Variants in RSPH6A observed in about 807,000 individuals in gnomAD.
RSPH6A encodes the protein radial spoke head 6 homolog A.
Under a neutral mutation model 66.1 loss-of-function variants are expected in RSPH6A, and 49 were observed. The observed-to-expected ratio is 0.74, with a 90% CI of 0.59 to 0.94. RSPH6A has a LOEUF of 0.94. Ranked by LOEUF, RSPH6A falls within the 40% of genes least tolerant of loss-of-function variation. The pLI is 0.00. For synonymous variants in RSPH6A, 419 were observed against 402.4 expected, an observed-to-expected ratio of 1.04 and a Z score of -0.49; for missense variants, 977 against 948.3, an observed-to-expected ratio of 1.03 and a Z score of -0.40.
intron 1 of RSPH6A, among the ~76,000 whole-genome samples, chr19:45,812,389 A>G (rs1970641493): frequency 6.6e-6 from 1 of 152,032 alleles, no homozygotes. Context: ...AGGCCCGGCC[A>G]CAGTCAGCCT....
At position 45,815,156 on chromosome 19, in the gene RSPH6A, G is replaced by A; in HGVS notation, c.21C>T (p.Tyr7=). Residue 7 remains tyrosine (Y), a synonymous_variant, in exon 1 of 6, where the codon TAC becomes TAT. Coordinates refer to ENST00000221538, the MANE Select transcript of RSPH6A (RefSeq NM_030785.4). ...GAGGCTGCTGGGCAGGGCGCTCAGGGTAGGGCGGCAGGTCTCCCATGGTTC... is the reference window on the plus strand; with the variant it reads ...GAGGCTGCTGGGCAGGGCGCTCAGGATAGGGCGGCAGGTCTCCCATGGTTC... MGDLPP[Y]PERPAQQPPG... The A allele has an allele frequency of 2.5e-6, 4 of 1,606,930 alleles. No individual in the cohort carries two copies. Among genetic ancestry groups the A allele is most frequent in the Non-Finnish European group, 3.4e-6 (4 of 1,178,824 alleles).
In RSPH6A at chr19:45,804,839, G is replaced by T. The variant is rs764158404; in HGVS notation, c.1066C>A (p.Leu356Met). Residue 356 changes from leucine (L) to methionine (M), a missense_variant, in exon 3 of 6, where the codon CTG becomes ATG. Leu to Met is a conservative substitution (Grantham distance 15). Coordinates refer to ENST00000221538, the MANE Select transcript of RSPH6A (RefSeq NM_030785.4). This position sits in a 1 kb window ranked among gnomAD's most constrained non-coding sequence, Gnocchi z 5.8. ...GKILGIKRSY[L>M]VAEVEFREGE... ...TCCCGGAATTCCACCTCGGCCACCA[G>T]GTAGCTGCGTTTGATTCCCAGGATC... 6.2e-7 allele frequency: 1 copy of T among 1,614,176 alleles called. No homozygotes were observed. The highest frequency in any genetic ancestry group is 1.7e-5 in the Admixed American group (1 of 60,016).
At chr19:45,814,180 G>A (rs1970667550) in intron 1 of RSPH6A, among the ~76,000 whole-genome samples, 1 of 151,938 alleles carries the variant, frequency 6.6e-6, no homozygotes, top group African/African-American at 2.4e-5. Context: ...AAGCAAGAGG[G>A]CTTGGGGAGC....
intron 2 of RSPH6A, among the ~76,000 whole-genome samples, chr19:45,807,323 C>T (rs2146286819): frequency 6.6e-6 from 1 of 151,718 alleles, no homozygotes; most frequent in Non-Finnish European, 1.5e-5. Flanking sequence ...TCACGCCATT[C>T]TCCTGCCTCA....
chr19:45,806,726 T>A (rs1020133968), intron 2 of RSPH6A, among the ~76,000 whole-genome samples: 7 of 141,538 alleles, frequency 4.9e-5, no homozygotes, highest in Non-Finnish European at 1.5e-5. Flanking sequence ...GGCCAAGTTT[T>A]GGCTCAGAAG....
rs1284646147 is a variant in RSPH6A, at chr19:45,804,752, C to T, written c.1153G>A (p.Glu385Lys). 2 of 1,612,718 alleles carry T rather than the reference C, an allele frequency of 1.2e-6. No individual in the cohort carries two copies. Among genetic ancestry groups the T allele is most frequent in the Non-Finnish European group, 1.7e-6 (2 of 1,179,382 alleles). Reference protein sequence around the residue: ...EEMTEGGEVMEAHGEEEGEED... With the variant: ...EEMTEGGEVMKAHGEEEGEED... ...TCGCCCTCCTCCTCGCCGTGCGCCT[C>T]CATGACCTCGCCACCTTCCGTCATC... The change falls in exon 3 of 6, where the codon GAG (glutamate) becomes AAG (lysine). Residue 385 changes from glutamate to lysine, a missense_variant. Physicochemically the swap from Glu to Lys is moderately conservative, Grantham distance 56. Coordinates refer to ENST00000221538, the MANE Select transcript of RSPH6A (RefSeq NM_030785.4). This position sits in a 1 kb window ranked among gnomAD's most constrained non-coding sequence, Gnocchi z 5.8.
At position 45,804,419 on chromosome 19, in the gene RSPH6A, GGCTGACCT is replaced by G; in HGVS notation, c.1478_1485del (p.Gln493ProfsTer8). ...TCACTAAACTGGTAGAAGCCCAGCG[GGCTGACCT>G]GCGTGGCGGCCGAGATGCGGGCTAT... On this transcript the variant is annotated frameshift_variant, in exon 3 of 6. Transcript: ENST00000221538. LOFTEE classifies it high-confidence loss of function. The surrounding 1 kb of genome is among the most constrained non-coding windows in gnomAD (Gnocchi z 5.8). 1 of 1,613,922 alleles carries G rather than the reference GGCTGACCT, an allele frequency of 6.2e-7. No individual in the cohort carries two copies. Among genetic ancestry groups the G allele is most frequent in the Non-Finnish European group, 8.5e-7 (1 of 1,179,980 alleles).
intron 3 of RSPH6A, among the ~76,000 whole-genome samples, chr19:45,803,095 G>T (rs1196004905): frequency 6.6e-6 from 1 of 151,126 alleles, no homozygotes; most frequent in Admixed American, 6.6e-5. Flanking sequence ...TGTAGTCCCA[G>T]CTACTCAGGA....
chr19:45,808,529 G>A (rs1042446082), intron 2 of RSPH6A, among the ~76,000 whole-genome samples: 4 of 151,992 alleles, frequency 2.6e-5, no homozygotes, highest in Non-Finnish European at 5.9e-5. Flanking sequence ...GGAGGTGGAG[G>A]TTGCAGTGAG....
At position 45,804,728 on chromosome 19, in the gene RSPH6A, C is replaced by T. The variant is rs141469854; in HGVS notation, c.1177G>A (p.Glu393Lys). The T allele has an allele frequency of 3.3e-5, 54 of 1,613,278 alleles. No individual in the cohort carries two copies. The highest frequency in any genetic ancestry group is 2.7e-4 in the Admixed American group (16 of 59,842). Residue 393 changes from glutamate (E) to lysine (K), a missense_variant, in exon 3 of 6, where the codon GAG becomes AAG. Transcript: ENST00000221538. This position sits in a 1 kb window ranked among gnomAD's most constrained non-coding sequence, Gnocchi z 5.8. ...TCCACGGCCTTCTCCTCGTCCTCCT[C>T]GCCCTCCTCCTCGCCGTGCGCCTCC... ...VMEAHGEEEGEEDEEKAVDIV... is the reference protein window; with the variant it reads ...VMEAHGEEEGKEDEEKAVDIV...
intron 4 of RSPH6A, among the ~76,000 whole-genome samples, chr19:45,801,665 C>T (rs555679535): frequency 1.6e-4 from 24 of 152,244 alleles, no homozygotes; most frequent in South Asian, 1.0e-3. Flanking sequence ...GAGGCTGAGA[C>T]GGGAGAATTG....
At chr19:45,807,128 G>C (rs1047146148) in intron 2 of RSPH6A, among the ~76,000 whole-genome samples, 5 of 151,732 alleles carry the variant, frequency 3.3e-5, no homozygotes, top group Non-Finnish European at 5.9e-5. Context: ...TCCTGACCTC[G>C]TGATCCGCCC....
chr19:45,815,229 C>CA lies in RSPH6A; in HGVS notation c.-54dup, dbSNP rs1855759095. The CA allele has an allele frequency of 6.8e-7, 1 of 1,474,106 alleles. No homozygotes were observed. Among genetic ancestry groups the CA allele is most frequent in the South Asian group, 1.3e-5 (1 of 75,874 alleles). 91.3% of individuals were successfully genotyped at this position (1,474,106 alleles called of 1,614,324 possible). On this transcript the variant is annotated 5_prime_UTR_variant, in exon 1 of 6. Coordinates refer to ENST00000221538, the MANE Select transcript of RSPH6A (RefSeq NM_030785.4). ...GAGAAAGGCTTGCAGACAAGGAGGC[C>CA]AAGCGAGAGCCACCTGTCGACACCG... is the stretch of plus-strand genomic sequence containing the variant.
intron 4 of RSPH6A, 124 bp from the exon 5 acceptor site, chr19:45,800,687 C>T: frequency 1.6e-6 from 1 of 629,812 alleles, no homozygotes; most frequent in Non-Finnish European, 2.6e-6. Flanking sequence ...GGAACTATAG[C>T]CACCAACAGC....
intron 4 of RSPH6A, 123 bp from the exon 5 acceptor site, chr19:45,800,686 G>A: frequency 1.5e-6 from 1 of 664,810 alleles, no homozygotes; most frequent in East Asian, 3.0e-5. Context: ...GGGAACTATA[G>A]CCACCAACAG....
At chr19:45,814,379 TG>T (rs1970671652) in intron 1 of RSPH6A, 147 bp downstream of exon 1, 1 of 617,030 alleles carries the variant, frequency 1.6e-6, no homozygotes, top group South Asian at 3.6e-5. Context: ...TGCTAGCTGT[TG>T]TTGGCATTGA....
In RSPH6A at chr19:45,804,552, G is replaced by C; in HGVS notation, c.1353C>G (p.Asn451Lys). Reference sequence around the variant, plus strand: ...TGAAGAACTTCTTGATCTTTCGGGCGTTCACGATCTGGGCTGGAGTGACGT... The same window carrying C: ...TGAAGAACTTCTTGATCTTTCGGGCCTTCACGATCTGGGCTGGAGTGACGT... ...LPHVTPAQIV[N>K]ARKIKKFFTG... Residue 451 changes from asparagine to lysine, a missense_variant, in exon 3 of 6, where the codon AAC becomes AAG. Asn to Lys is a moderately conservative substitution (Grantham distance 94, BLOSUM62 0). Coordinates refer to ENST00000221538, the MANE Select transcript of RSPH6A (RefSeq NM_030785.4). The surrounding 1 kb of genome is among the most constrained non-coding windows in gnomAD (Gnocchi z 5.8). 1 of 1,614,192 alleles carries C rather than the reference G, an allele frequency of 6.2e-7. No homozygotes were observed. The highest frequency in any genetic ancestry group is 8.5e-7 in the Non-Finnish European group (1 of 1,180,022).
intron 5 of RSPH6A, among the ~76,000 whole-genome samples, chr19:45,798,488 C>T (rs1214766221): frequency 6.7e-6 from 1 of 149,242 alleles, no homozygotes; most frequent in African/African-American, 2.5e-5. Flanking sequence ...TGCAGTGAAC[C>T]GTGATCACGC....
At chr19:45,796,574 A>C (rs1297346571) in intron 5 of RSPH6A, among the ~76,000 whole-genome samples, 2 of 149,012 alleles carry the variant, frequency 1.3e-5, no homozygotes, top group Non-Finnish European at 3.0e-5. Flanking sequence ...TGCAAACTCC[A>C]CCTCCTGGGT....
Sources: gnomAD v4.1 joint callset for allele counts (sites outside exome capture counted in the v4.1 genomes callset) on GRCh38, gnomAD v4.1.1 for gene constraint, Gnocchi (gnomAD v3.1) non-coding constraint, MANE v1.5 for transcripts, NCBI Gene and HGNC (gene_info 2026-07-23, HGNC 2026-07-21) for gene names.